Variants in LDLRAP1 observed in about 807,000 individuals in gnomAD.
LDLRAP1 encodes low density lipoprotein receptor adapter protein 1.
LDLRAP1 carries 30 observed loss-of-function variants against 37.8 expected under a neutral mutation model. The ratio of observed to expected loss-of-function variants is 0.79; its 90% CI spans 0.59 to 1.08. The LOEUF (loss-of-function observed/expected upper bound fraction) is 1.08, where lower values mean the gene tolerates loss of function less well. LDLRAP1 is among the 50% of genes least tolerant of loss of function. The probability of loss-of-function intolerance (pLI) is 0.00; values close to 1 mark genes in which losing one functional copy is unlikely to be tolerated. For synonymous variants in LDLRAP1, 156 were observed against 169.8 expected, an observed-to-expected ratio of 0.92 and a Z score of 0.63; for missense variants, 375 against 401.6, an observed-to-expected ratio of 0.93 and a Z score of 0.57.
intron 8 of LDLRAP1, among the ~76,000 whole-genome samples, chr1:25,566,300 GC>G (rs1353427798): frequency 6.6e-6 from 1 of 152,086 alleles, no homozygotes; most frequent in Non-Finnish European, 1.5e-5. Flanking sequence ...TCACTTAACA[GC>G]GATGTGTCAG....
chr1:25,578,091 G>T, the LDLRAP1 span, among the ~76,000 whole-genome samples: 1 of 152,126 alleles, frequency 6.6e-6, no homozygotes, highest in African/African-American at 2.4e-5. Context: ...AGACAGTTTT[G>T]TTCAGAGATC....
At chr1:25,549,179 G>A (rs986916770) in intron 1 of LDLRAP1, among the ~76,000 whole-genome samples, 2 of 152,232 alleles carry the variant, frequency 1.3e-5, no homozygotes, top group African/African-American at 2.4e-5. Context: ...TTCTGGTGAC[G>A]CTCCTGAGGG....
rs892579474 is a variant in LDLRAP1, at chr1:25,544,338, G to T, written c.88+552G>T. The stretch of plus-strand genomic sequence containing the variant: ...CCCATCCAGGTGTGAGCCCGGGGTC[G>T]CAGGTACGTACTTGAAATTGGGAAC... On this transcript the variant is annotated intron_variant, in intron 1 of 8. Coordinates refer to ENST00000374338, the MANE Select transcript of LDLRAP1 (RefSeq NM_015627.3). The surrounding 1 kb of genome is among the most constrained non-coding windows in gnomAD (Gnocchi z 4.8). Among the ~76,000 whole-genome samples, 2 of 152,188 alleles carry T rather than the reference G, an allele frequency of 1.3e-5. No individual in the cohort carries two copies. Among genetic ancestry groups the T allele is most frequent in the East Asian group, 1.9e-4 (1 of 5,170 alleles).
chr1:25,577,890 G>A, the LDLRAP1 span, among the ~76,000 whole-genome samples: 2 of 152,236 alleles, frequency 1.3e-5, no homozygotes, highest in East Asian at 1.9e-4. Flanking sequence ...CCTGGCCCAC[G>A]TCAGTGCGTG....
chr1:25,566,796 G>A, intron 8 of LDLRAP1, 52 bp from the exon 9 acceptor site: 1 of 1,579,064 alleles, frequency 6.3e-7, no homozygotes, highest in Non-Finnish European at 8.6e-7. Flanking sequence ...TCTGACCCTG[G>A]GGCGCGCCAG....
the LDLRAP1 span, among the ~76,000 whole-genome samples, chr1:25,576,079 A>T: frequency 6.6e-6 from 1 of 151,572 alleles, no homozygotes; most frequent in Non-Finnish European, 1.5e-5. Flanking sequence ...AAAAAAAAAA[A>T]AAATTAGCCG....
rs966792999 is a variant in LDLRAP1, at chr1:25,543,710, C to G, written c.12C>G (p.Leu4=). Residue 4 remains leucine (L), a synonymous_variant, in exon 1 of 9, where the codon CTC becomes CTG. Coordinates refer to ENST00000374338, the MANE Select transcript of LDLRAP1 (RefSeq NM_015627.3). ...GGCCGGAGCGGGCCATGGACGCGCT[C>G]AAGTCGGCGGGGCGGGCGCTGATCC... The part of the protein sequence containing the change: MDA[L]KSAGRALIRS... The G allele has an allele frequency of 3.3e-6, 4 of 1,215,152 alleles. No homozygotes were observed. Among genetic ancestry groups the G allele is most frequent in the Non-Finnish European group, 4.1e-6 (4 of 977,370 alleles). The allele number at this position is 1,215,152 out of a possible 1,614,324, so 75.3% of individuals were successfully genotyped here. A position where few individuals can be genotyped will look rare whatever the true frequency, so the allele number is the denominator to read the frequency against.
At chr1:25,574,514 T>C in the LDLRAP1 span, among the ~76,000 whole-genome samples, 2 of 152,140 alleles carry the variant, frequency 1.3e-5, no homozygotes, top group Non-Finnish European at 2.9e-5. Context: ...AAGAAAAGGA[T>C]GTGTGCATGG....
At chr1:25,560,915 C>T (rs1251870135) in intron 4 of LDLRAP1, among the ~76,000 whole-genome samples, 1 of 152,286 alleles carries the variant, frequency 6.6e-6, no homozygotes, top group African/African-American at 2.4e-5. Context: ...GGGCCCACCC[C>T]ACTCCCAGTC....
At chr1:25,569,731 C>T (rs2044576963), downstream of LDLRAP1, among the ~76,000 whole-genome samples, 1 of 152,232 alleles carries the variant, frequency 6.6e-6, no homozygotes, top group Admixed American at 6.5e-5. Context: ...TTGTGCTGAG[C>T]TCTGCACCAT....
chr1:25,551,922 T>C (rs1296834423), intron 1 of LDLRAP1, among the ~76,000 whole-genome samples: 1 of 152,218 alleles, frequency 6.6e-6, no homozygotes, highest in Non-Finnish European at 1.5e-5. Flanking sequence ...AGTAAGTCCC[T>C]GCTCACCTGA....
At chr1:25,581,309 G>C in the LDLRAP1 span, among the ~76,000 whole-genome samples, 4 of 152,138 alleles carry the variant, frequency 2.6e-5, no homozygotes, top group South Asian at 2.1e-4. Context: ...CTGGCCTCTT[G>C]AGCCAGGGAG....
In LDLRAP1 at chr1:25,563,807, G is replaced by A. The variant is rs774075033; in HGVS notation, c.747+16G>A. On this transcript the variant is annotated intron_variant, in intron 7 of 8. Coordinates refer to ENST00000374338, the MANE Select transcript of LDLRAP1 (RefSeq NM_015627.3). Reference sequence around the variant, plus strand: ...TGTTGTCTGGGTGAGTGGTTGTGTGGCCAGCAGATCGGTGATCCTCAGCCT... The same window carrying A: ...TGTTGTCTGGGTGAGTGGTTGTGTGACCAGCAGATCGGTGATCCTCAGCCT... The A allele has an allele frequency of 6.8e-6, 11 of 1,613,288 alleles. No individual in the cohort carries two copies. Among genetic ancestry groups the A allele is most frequent in the Middle Eastern group, 1.7e-4 (1 of 6,060 alleles).
downstream of LDLRAP1, among the ~76,000 whole-genome samples, chr1:25,573,882 A>G (rs546258641): frequency 1.1e-4 from 16 of 152,320 alleles, no homozygotes; most frequent in East Asian, 2.9e-3. Flanking sequence ...GATGCATGCC[A>G]GGCGTCTGGA....
At chr1:25,581,480 CGCTCCTCTGACACATCGGGA>C in the LDLRAP1 span, 1 of 152,194 alleles carries the variant, frequency 6.6e-6, no homozygotes, top group Non-Finnish European at 1.5e-5. Context: ...GCAGAACTCT[CGCTCCTCTGACACATCGGGA>C]GCTCCTGTGT....
At chr1:25,565,953 C>T (rs1268957843) in intron 8 of LDLRAP1, among the ~76,000 whole-genome samples, 2 of 152,156 alleles carry the variant, frequency 1.3e-5, no homozygotes, top group Non-Finnish European at 2.9e-5. Context: ...TGCCCTCCTG[C>T]CTCCTCCTTC....
Position 25,554,072 on chromosome 1 carries a change from C to T in LDLRAP1, c.231+8C>T, listed in dbSNP as rs764364802. 3.1e-6 allele frequency: 5 copies of T among 1,613,496 alleles called. No individual in the cohort carries two copies. The highest frequency in any genetic ancestry group is 4.2e-6 in the Non-Finnish European group (5 of 1,180,006). On this transcript the variant is annotated splice_region_variant and intron_variant, in intron 2 of 8. Coordinates refer to ENST00000374338, the MANE Select transcript of LDLRAP1 (RefSeq NM_015627.3). This position sits in a 1 kb window ranked among gnomAD's most constrained non-coding sequence, Gnocchi z 5.4. ...AAGAGGATCGTGGCTACAGTGAGCA[C>T]CCCAGTCAGGAAGGGTGGGGGAACC...
chr1:25,564,866 C>T (rs180747483), intron 7 of LDLRAP1: 138 of 402,738 alleles, frequency 3.4e-4, no homozygotes, highest in Admixed American at 6.8e-4. Context: ...TGAGTTTCAA[C>T]GTGGAGCAGT....
chr1:25,580,279 C>T, the LDLRAP1 span, among the ~76,000 whole-genome samples: 3 of 152,140 alleles, frequency 2.0e-5, no homozygotes, highest in African/African-American at 7.2e-5. Flanking sequence ...TCACTAGGCT[C>T]GAGGCCGGGC....
Sources: allele counts gnomAD v4.1 joint callset (sites outside exome capture counted in the v4.1 genomes callset), GRCh38; gene constraint gnomAD v4.1.1; non-coding constraint Gnocchi (gnomAD v3.1); transcripts MANE v1.5; gene names NCBI Gene and HGNC (gene_info 2026-07-23, HGNC 2026-07-21).